The following TLN2 variants were observed in gnomAD, a reference collection of about 807,000 sequenced individuals.
TLN2 encodes the protein talin-2.
A neutral mutation model predicts 294.7 loss-of-function variants in TLN2; 118 were observed. The observed-to-expected ratio is 0.40, with a 90% CI of 0.34 to 0.47. TLN2 has a LOEUF of 0.47. TLN2 is among the 20% of genes least tolerant of loss of function. TLN2 has a pLI of 0.84. For missense variants in TLN2, 3,083 were observed against 3,282.2 expected (o/e 0.94, Z 1.48); for synonymous variants, 1,431 against 1,304.5 (o/e 1.10, Z -2.09).
At chr15:62,423,627 C>T (rs996271103) in intron 1 of TLN2, among the ~76,000 whole-genome samples, 2 of 151,774 alleles carry the variant, frequency 1.3e-5, no homozygotes, top group African/African-American at 2.4e-5. Context: ...GTTGTCCAAG[C>T]TGGAGTGCAG....
chr15:62,755,929 A>C (rs2062219099), intron 37 of TLN2, among the ~76,000 whole-genome samples: 1 of 152,222 alleles, frequency 6.6e-6, no homozygotes, highest in Non-Finnish European at 1.5e-5. Context: ...GGCCTCCCCA[A>C]ATTCTGTACA....
At chr15:62,780,467 G>A (rs1179353251) in intron 43 of TLN2, among the ~76,000 whole-genome samples, 1 of 152,138 alleles carries the variant, frequency 6.6e-6, no homozygotes, top group Non-Finnish European at 1.5e-5. Context: ...TCATTCACAA[G>A]CCTTGGAAAC....
chr15:62,557,730 G>A lies in TLN2; in HGVS notation c.-237-31957G>A, dbSNP rs1328713284. On this transcript the variant is annotated intron_variant, in intron 1 of 58. Transcript: ENST00000636159. ...CTAATTTTTTATTTTTAGTAGAGAC[G>A]GGGTTTCACTATGTTGGCCAGGCTG... Among the ~76,000 whole-genome samples the A allele has an allele frequency of 7.9e-5, 12 of 152,190 alleles. 1 individual carries two copies. Among genetic ancestry groups the A allele is most frequent in the South Asian group, 4.1e-4 (2 of 4,824 alleles).
intron 1 of TLN2, among the ~76,000 whole-genome samples, chr15:62,427,511 G>C (rs1566962972): frequency 6.6e-6 from 1 of 152,108 alleles, no homozygotes; most frequent in Non-Finnish European, 1.5e-5. Flanking sequence ...GGGCGAGGGG[G>C]TATGGAGTTG....
intron 3 of TLN2, among the ~76,000 whole-genome samples, chr15:62,629,204 A>G (rs2049557533): frequency 1.3e-5 from 2 of 152,234 alleles, no homozygotes; most frequent in African/African-American, 4.8e-5. Flanking sequence ...AAAATAAAAA[A>G]TAAAAAAGGA....
At chr15:62,784,247 C>A (rs1011204579) in intron 45 of TLN2, 6 of 379,448 alleles carry the variant, frequency 1.6e-5, no homozygotes, top group African/African-American at 1.0e-4. Flanking sequence ...TTAGCACATC[C>A]CCCGCAATTA....
rs563989243 is a variant in TLN2, at chr15:62,667,389, G to A, written c.789-6438G>A. ...AATCATTTGGTGATTCAACAACACA[G>A]TTGGAGTCAGGATCCTGGGTGTTCC... is the stretch of plus-strand genomic sequence containing the variant. On this transcript the variant is annotated intron_variant, in intron 9 of 58. Transcript: ENST00000636159. 4.6e-5 allele frequency among the ~76,000 whole-genome samples: 7 copies of A among 152,316 alleles called. No homozygotes were observed. The South Asian group carries it at 1.5e-3, about 32-fold the overall frequency.
At chr15:62,781,265 C>G in intron 44 of TLN2, 24 bp downstream of exon 44, 1 of 1,584,210 alleles carries the variant, frequency 6.3e-7, no homozygotes, top group Non-Finnish European at 8.7e-7. Context: ...GAGCTGCCCT[C>G]CCCACTGTTG....
intron 28 of TLN2, among the ~76,000 whole-genome samples, chr15:62,732,955 C>A (rs1460358417): frequency 6.6e-6 from 1 of 152,028 alleles, no homozygotes; most frequent in East Asian, 1.9e-4. Flanking sequence ...CATCATTAGG[C>A]AGCTAAATCT....
chr15:62,402,097 T>C (rs2033069569), intron 1 of TLN2, among the ~76,000 whole-genome samples: 1 of 152,200 alleles, frequency 6.6e-6, no homozygotes, highest in African/African-American at 2.4e-5. Context: ...AGGAGAAATA[T>C]AGCTTATGTG....
chr15:62,756,682 T>A (rs1037453762), intron 37 of TLN2, among the ~76,000 whole-genome samples: 3 of 152,128 alleles, frequency 2.0e-5, no homozygotes, highest in Non-Finnish European at 1.5e-5. Flanking sequence ...TAAGAGAAGT[T>A]TTCCCAGTTC....
At chr15:62,531,749 T>G (rs866914325) in intron 1 of TLN2, among the ~76,000 whole-genome samples, 1 of 152,206 alleles carries the variant, frequency 6.6e-6, no homozygotes, top group Non-Finnish European at 1.5e-5. Flanking sequence ...GGCTTCTAGT[T>G]TTTGTATTAT....
At chr15:62,734,193 T>A (rs2060881882) in intron 28 of TLN2, 2 of 152,190 alleles carry the variant, frequency 1.3e-5, no homozygotes, top group Admixed American at 1.3e-4. Context: ...CTATGAAAGG[T>A]TTTTCACTAA....
chr15:62,463,256 G>A (rs78285323), intron 1 of TLN2, among the ~76,000 whole-genome samples: 2 of 152,060 alleles, frequency 1.3e-5, no homozygotes, highest in Non-Finnish European at 1.5e-5. Flanking sequence ...CTGACCGTCC[G>A]CCCACCTCTG....
In TLN2 at chr15:62,413,891, C is replaced by A. The variant is rs1259711661; in HGVS notation, c.-238+23206C>A. Among the ~76,000 whole-genome samples the A allele has an allele frequency of 1.4e-5, 2 of 142,932 alleles. 1 individual carries two copies. Among genetic ancestry groups the A allele is most frequent in the East Asian group, 6.7e-4 (2 of 2,976 alleles). 93.8% of individuals were successfully genotyped at this position (142,932 alleles called of 152,430 possible). A position where few individuals can be genotyped will look rare whatever the true frequency, so the allele number is the denominator to read the frequency against. On this transcript the variant is annotated intron_variant, in intron 1 of 58. Coordinates refer to ENST00000636159, the MANE Select transcript of TLN2 (RefSeq NM_015059.3). ...GGTTAAAAATGGTTTAATGTGTATG[C>A]CTATTTTATTTTTGTCCCCTAGATT...
intron 3 of TLN2, among the ~76,000 whole-genome samples, chr15:62,620,682 A>C (rs542595642): frequency 7.1e-4 from 107 of 151,308 alleles, no homozygotes; most frequent in African/African-American, 2.4e-3. Context: ...AGATTTTGCT[A>C]TGTTGCCCAG....
In TLN2 at chr15:62,750,613, A is replaced by C. The variant is rs2061879433; in HGVS notation, c.4209+122A>C. 3.7e-6 allele frequency: 3 copies of C among 820,462 alleles called. No individual in the cohort carries two copies. In the East Asian group the frequency reaches 7.6e-5, roughly 21 times the overall value. 50.8% of individuals were successfully genotyped at this position (820,462 alleles called of 1,614,324 possible). On this transcript the variant is annotated intron_variant, in intron 34 of 58. Coordinates refer to ENST00000636159, the MANE Select transcript of TLN2 (RefSeq NM_015059.3). The stretch of plus-strand genomic sequence containing the variant: ...TGCAGGGCTAGCCACATGTAGCATG[A>C]AGCCTATTTGTGGAGCCCTTTGCTC...
Position 62,673,851 on chromosome 15 carries a change from A to G in TLN2, c.813A>G (p.Glu271=), listed in dbSNP as rs779549858. 1.2e-6 allele frequency: 2 copies of G among 1,613,528 alleles called. No individual in the cohort carries two copies. Among genetic ancestry groups the G allele is most frequent in the East Asian group, 4.5e-5 (2 of 44,836 alleles). The part of the protein sequence containing the change: ...FLDLKEFLPK[E]YIKQRGAEKR... ...GTCTGAAGGAATTCCTGCCCAAAGA[A>G]TATATCAAGCAGAGAGGAGCTGAAA... Residue 271 remains glutamate (E), a synonymous_variant, in exon 10 of 59, where the codon GAA becomes GAG. Coordinates refer to ENST00000636159, the MANE Select transcript of TLN2 (RefSeq NM_015059.3).
At position 62,819,551 on chromosome 15, in the gene TLN2, G is replaced by C. The variant is rs1464301945; in HGVS notation, c.6807G>C (p.Gln2269His). The change falls in exon 53 of 59, where the codon CAG becomes CAC. Residue 2269 changes from glutamine (Q) to histidine (H), a missense_variant. Coordinates refer to ENST00000636159, the MANE Select transcript of TLN2 (RefSeq NM_015059.3). ...AACCAACCCCAGAATTCAAGCAGCA[G>C]CTGGCCGCTTTCTCCAAGCGAGTCG... ...LQKPTPEFKQ[Q>H]LAAFSKRVAG... 2 of 1,613,964 alleles carry C rather than the reference G, an allele frequency of 1.2e-6. No individual in the cohort carries two copies. The highest frequency in any genetic ancestry group is 1.1e-5 in the South Asian group (1 of 91,076).
Sources: gnomAD v4.1 joint callset for allele counts (sites outside exome capture counted in the v4.1 genomes callset) on GRCh38, gnomAD v4.1.1 for gene constraint, MANE v1.5 for transcripts, NCBI Gene and HGNC (gene_info 2026-07-23, HGNC 2026-07-21) for gene names.